The following ERAP1 variants were observed in gnomAD, a reference collection of about 807,000 sequenced individuals.
ERAP1 encodes the protein endoplasmic reticulum aminopeptidase 1.
ERAP1 carries 86 observed loss-of-function variants against 103.7 expected under a neutral mutation model. That is an observed-to-expected ratio of 0.83 (90% CI 0.70 to 0.99). ERAP1 has a LOEUF of 0.99. Ranked by LOEUF, ERAP1 falls within the 50% of genes least tolerant of loss-of-function variation. The pLI, the probability that ERAP1 is intolerant of heterozygous loss-of-function variation, is 0.00. For missense variants in ERAP1, 1,009 were observed against 1,128.4 expected (o/e 0.89, Z 1.52); for synonymous variants, 398 against 402.4 (o/e 0.99, Z 0.13).
chr5:96,820,237 A>G, the ERAP1 span, among the ~76,000 whole-genome samples: 1 of 152,196 alleles, frequency 6.6e-6, no homozygotes, highest in Non-Finnish European at 1.5e-5. Context: ...TCTGGCAACT[A>G]ACTAATCAGC....
At chr5:96,842,912 C>G in the ERAP1 span, among the ~76,000 whole-genome samples, 1 of 152,020 alleles carries the variant, frequency 6.6e-6, no homozygotes, top group African/African-American at 2.4e-5. Context: ...TTTATGATTT[C>G]AGGTCTTAGA....
chr5:96,915,815 T>C, the ERAP1 span: 2 of 1,440,194 alleles, frequency 1.4e-6, no homozygotes, highest in Non-Finnish European at 1.9e-6. Flanking sequence ...AATGTTCAAA[T>C]TGTGGAATTG....
the ERAP1 span, among the ~76,000 whole-genome samples, chr5:96,914,148 T>TCACACACACACACA: frequency 2.0e-3 from 293 of 148,064 alleles, 1 homozygote; most frequent in African/African-American, 6.5e-3. Flanking sequence ...TCTCTCTCTC[T>TCACACACACACACA]CACACACACA....
chr5:96,786,088 C>A, intron 12 of ERAP1, 117 bp from the exon 13 acceptor site: 1 of 947,364 alleles, frequency 1.1e-6, no homozygotes, highest in Admixed American at 2.0e-5. Context: ...AATTTGAAAA[C>A]ATCACTTATT....
chr5:96,889,057 A>G, the ERAP1 span: 1 of 1,127,008 alleles, frequency 8.9e-7, no homozygotes, highest in Non-Finnish European at 1.3e-6. Context: ...TATTGACAAC[A>G]TGCTTAATGG....
At chr5:96,800,254 T>C (rs2150988197) in intron 3 of ERAP1, among the ~76,000 whole-genome samples, 1 of 152,338 alleles carries the variant, frequency 6.6e-6, no homozygotes, top group Middle Eastern at 3.4e-3. Flanking sequence ...CTAGTCACTT[T>C]TAAAAATCAG....
In ERAP1 at chr5:96,766,180, C is replaced by T. The variant is rs1049920005; in HGVS notation, c.2819-2952G>A. 9 of 1,144,186 alleles carry T rather than the reference C, an allele frequency of 7.9e-6. No homozygotes were observed. The African/African-American group carries it at 1.2e-4, about 16-fold the overall frequency. 70.9% of individuals were successfully genotyped at this position (1,144,186 alleles called of 1,614,324 possible). ...GGCAAATTGCTAGATCGGATTTATG[C>T]TACCAAGATCTTTAAATTCAAACCT... On this transcript the variant is annotated intron_variant, in intron 19 of 19. Coordinates refer to the ERAP1 transcript ENST00000296754.
the ERAP1 span, chr5:96,903,481 A>G: frequency 6.2e-7 from 1 of 1,614,082 alleles, no homozygotes; most frequent in Non-Finnish European, 8.5e-7. Context: ...CCAACTCATT[A>G]CACAGCTGAA....
chr5:96,779,165 C>CTGATT (rs1177903775), intron 18 of ERAP1, among the ~76,000 whole-genome samples: 2 of 152,186 alleles, frequency 1.3e-5, no homozygotes, highest in African/African-American at 4.8e-5. Flanking sequence ...CTGTAATTGT[C>CTGATT]TGATTCCCAC....
downstream of ERAP1, chr5:96,771,616 T>C (rs1194947098): frequency 3.1e-6 from 5 of 1,598,940 alleles, no homozygotes; most frequent in African/African-American, 1.3e-5. Context: ...AAAAGAAAGC[T>C]CACGGATGGT....
chr5:96,794,107 A>G (rs1011739521), intron 5 of ERAP1, 150 bp from the exon 6 acceptor site: 12 of 738,832 alleles, frequency 1.6e-5, no homozygotes, highest in Non-Finnish European at 2.8e-5. Flanking sequence ...ATGGAGAAAA[A>G]GAGGCTTAGT....
the ERAP1 span, among the ~76,000 whole-genome samples, chr5:96,870,960 T>C: frequency 0.088 from 13,332 of 152,234 alleles, 680 homozygotes; most frequent in Middle Eastern, 0.15. Flanking sequence ...CTAATCCTTT[T>C]CAGTGGTTCA....
At chr5:96,892,562 G>T in the ERAP1 span, 1 of 1,288,122 alleles carries the variant, frequency 7.8e-7, no homozygotes. Context: ...CTCTAGAGGG[G>T]AACTTAGAGA....
chr5:96,827,239 G>A, the ERAP1 span, among the ~76,000 whole-genome samples: 9 of 152,300 alleles, frequency 5.9e-5, no homozygotes, highest in South Asian at 1.7e-3. Context: ...AGTAGTTCTC[G>A]TGAGTCTTTT....
chr5:96,774,419 A>G, downstream of ERAP1: 32 of 693,306 alleles, frequency 4.6e-5, no homozygotes, highest in Non-Finnish European at 5.7e-5. Flanking sequence ...GGAGTAAGCT[A>G]CAGGATCTAA....
the ERAP1 span, chr5:96,915,766 A>G: frequency 1.3e-6 from 2 of 1,599,562 alleles, no homozygotes; most frequent in Non-Finnish European, 1.7e-6. Context: ...ATAAGTTGCA[A>G]GAGGTTTGTG....
At chr5:96,873,121 G>A in the ERAP1 span, among the ~76,000 whole-genome samples, 4,527 of 152,090 alleles carry the variant, frequency 0.03, 717 homozygotes, top group East Asian at 0.44. Flanking sequence ...CCCAGGAGGC[G>A]GAGGTTGCAG....
chr5:96,815,210 C>T, the ERAP1 span, among the ~76,000 whole-genome samples: 2 of 152,072 alleles, frequency 1.3e-5, no homozygotes, highest in Non-Finnish European at 2.9e-5. Context: ...TGTTTTTTCC[C>T]TTGGTTTTCC....
At chr5:96,780,049 T>C (rs1211487270) in intron 18 of ERAP1, among the ~76,000 whole-genome samples, 1 of 152,250 alleles carries the variant, frequency 6.6e-6, no homozygotes, top group Non-Finnish European at 1.5e-5. Flanking sequence ...TGAACTTGGA[T>C]GGTTTATAAA....
Sources: gnomAD v4.1 joint callset for allele counts (sites outside exome capture counted in the v4.1 genomes callset) on GRCh38, gnomAD v4.1.1 for gene constraint, MANE v1.5 for transcripts, NCBI Gene and HGNC (gene_info 2026-07-23, HGNC 2026-07-21) for gene names.